The following ADNP2 variants were observed in gnomAD, a reference collection of about 807,000 sequenced individuals.
The protein encoded by ADNP2 is activity-dependent neuroprotector homeobox protein 2.
A neutral mutation model predicts 16.4 loss-of-function variants in ADNP2; 8 were observed. The observed-to-expected ratio is 0.49, with a 90% confidence interval of 0.29 to 0.88. ADNP2 has a LOEUF of 0.88. Among genes scored for constraint, ADNP2 ranks in the 40% least tolerant of loss-of-function variants. The probability of loss-of-function intolerance (pLI) is 0.09; values close to 1 mark genes in which losing one functional copy is unlikely to be tolerated. For missense variants in ADNP2, 1,397 were observed against 1,395.1 expected (o/e 1.00, Z -0.02); for synonymous variants, 637 against 545.8 (o/e 1.17, Z -2.33).
At chr18:80,131,819 G>A (rs2145208984) in intron 2 of ADNP2, among the ~76,000 whole-genome samples, 1 of 150,244 alleles carries the variant, frequency 6.7e-6, no homozygotes, top group Middle Eastern at 3.5e-3. Flanking sequence ...TGGACACAGG[G>A]CAGGGAACAT....
chr18:80,120,890 A>G (rs1187425246), intron 2 of ADNP2, among the ~76,000 whole-genome samples: 1 of 152,148 alleles, frequency 6.6e-6, no homozygotes, highest in Non-Finnish European at 1.5e-5. Flanking sequence ...GTTGGTGGAC[A>G]CTTGGATTGA....
chr18:80,114,087 T>C lies in ADNP2; in HGVS notation c.-13-3443T>C, dbSNP rs539688779. ...ATACATCGGTAGTCCAAGCTACTCA[T>C]GAGGTTGAGGCAGGAGGATTGCTTG... On this transcript the variant is annotated intron_variant, in intron 1 of 3. Transcript: ENST00000262198. 2.6e-5 allele frequency among the ~76,000 whole-genome samples: 4 copies of C among 151,024 alleles called. No individual in the cohort carries two copies. The East Asian group carries it at 7.8e-4, about 29-fold the overall frequency.
chr18:80,123,596 C>T (rs1220515433), intron 2 of ADNP2, among the ~76,000 whole-genome samples: 3 of 151,478 alleles, frequency 2.0e-5, no homozygotes, highest in African/African-American at 4.9e-5. Flanking sequence ...CTCGAACTCC[C>T]GACCTCAGGT....
Position 80,135,690 on chromosome 18 carries a change from C to G in ADNP2, c.277C>G (p.His93Asp), listed in dbSNP as rs368338021. 3 of 1,614,074 alleles carry G rather than the reference C, an allele frequency of 1.9e-6. No individual in the cohort carries two copies. Among genetic ancestry groups the G allele is most frequent in the Non-Finnish European group, 2.5e-6 (3 of 1,180,038 alleles). Reference protein sequence around the residue: ...KVLTSFKNHLHRYHEDEIDQE... With the variant: ...KVLTSFKNHLDRYHEDEIDQE... ...GCTTACTTCATTCAAGAATCATTTA[C>G]ATCGTTACCATGAAGATGAAATTGA... The change falls in exon 4 of 4, where the codon CAT (histidine) becomes GAT (aspartate). Residue 93 changes from histidine to aspartate, a missense_variant. Around this residue, in one of 3 missense-constraint regions of ADNP2, gnomAD observed 777 missense variants for 719.4 expected, o/e 1.08. Coordinates refer to ENST00000262198, the MANE Select transcript of ADNP2 (RefSeq NM_014913.4).
intron 1 of ADNP2, chr18:80,109,688 C>A (rs1469968649): frequency 2.7e-5 from 4 of 150,460 alleles, no homozygotes; most frequent in Admixed American, 2.0e-4. Flanking sequence ...CCCGTCGACC[C>A]CCGACGCGCC....
intron 3 of ADNP2, chr18:80,133,560 G>T (rs11662921): frequency 0.18 from 36,428 of 202,520 alleles, 3,642 homozygotes; most frequent in Middle Eastern, 0.22. Flanking sequence ...AAATAAAAAT[G>T]TAGACCTCTG....
At chr18:80,125,341 C>T (rs1285670685) in intron 2 of ADNP2, among the ~76,000 whole-genome samples, 1 of 151,984 alleles carries the variant, frequency 6.6e-6, no homozygotes. Context: ...TAGCAAGACT[C>T]TGTCTTTAAA....
In ADNP2 at chr18:80,138,074, T is replaced by C; in HGVS notation, c.2661T>C (p.Thr887=). The change falls in exon 4 of 4, where the codon ACT becomes ACC. Residue 887 remains threonine (T), a synonymous_variant. Coordinates refer to ENST00000262198, the MANE Select transcript of ADNP2 (RefSeq NM_014913.4). ...TTTGCTTTGGCCCCTTTGTGACAAC[T>C]GAGGCCTATGAGCTGCATTTGAAGG... ...CPFCFGPFVT[T]EAYELHLKER... The C allele has an allele frequency of 6.2e-7, 1 of 1,613,874 alleles. No homozygotes were observed. The highest frequency in any genetic ancestry group is 8.5e-7 in the Non-Finnish European group (1 of 1,180,030).
In ADNP2 at chr18:80,137,683, C is replaced by G; in HGVS notation, c.2270C>G (p.Ser757Cys). 1 of 1,614,194 alleles carries G rather than the reference C, an allele frequency of 6.2e-7. No homozygotes were observed. The highest frequency in any genetic ancestry group is 8.5e-7 in the Non-Finnish European group (1 of 1,180,032). Residue 757 changes from serine to cysteine, a missense_variant, in exon 4 of 4, where the codon TCT becomes TGT. Ser to Cys is a moderately radical substitution (Grantham distance 112, BLOSUM62 -1). Transcript: ENST00000262198. The surrounding 1 kb of genome is among the most constrained non-coding windows in gnomAD (Gnocchi z 4.2). ...TGTCTGTCTTGTAAGTGCTTGGTCT[C>G]TGAGGAAGAGCTTATACACCACTTG... is the stretch of plus-strand genomic sequence containing the variant. ...VRCLSCKCLVSEEELIHHLLM... is the reference protein window; with the variant it reads ...VRCLSCKCLVCEEELIHHLLM...
chr18:80,117,993 GA>G (rs1336502090), intron 2 of ADNP2, among the ~76,000 whole-genome samples: 8 of 152,176 alleles, frequency 5.3e-5, no homozygotes, highest in African/African-American at 1.9e-4. Flanking sequence ...TAAATGAAAT[GA>G]TAGGGTTTTT....
chr18:80,123,101 A>G (rs755807046), intron 2 of ADNP2, among the ~76,000 whole-genome samples: 2 of 151,982 alleles, frequency 1.3e-5, no homozygotes, highest in African/African-American at 2.4e-5. Flanking sequence ...GCTTCATTCT[A>G]CTAATGTGGT....
At chr18:80,127,610 T>G (rs887467150) in intron 2 of ADNP2, among the ~76,000 whole-genome samples, 4 of 152,188 alleles carry the variant, frequency 2.6e-5, no homozygotes, top group African/African-American at 9.7e-5. Flanking sequence ...AAGTTTTTGT[T>G]TTTTGTTTTT....
At chr18:80,114,876 G>T (rs781535824) in intron 1 of ADNP2, among the ~76,000 whole-genome samples, 52 of 151,964 alleles carry the variant, frequency 3.4e-4, no homozygotes, top group Non-Finnish European at 5.6e-4. Context: ...AGTTGATGTG[G>T]AACACCTCTA....
At chr18:80,119,570 C>T (rs1014650788) in intron 2 of ADNP2, among the ~76,000 whole-genome samples, 4 of 152,194 alleles carry the variant, frequency 2.6e-5, no homozygotes, top group Non-Finnish European at 5.9e-5. Context: ...AAGATTTACA[C>T]AGCACATGTG....
intron 3 of ADNP2, among the ~76,000 whole-genome samples, chr18:80,134,418 T>TGTGA (rs143942110): frequency 0.1 from 13,796 of 136,218 alleles, 817 homozygotes; most frequent in Non-Finnish European, 0.15. Flanking sequence ...TGTGTGTGTG[T>TGTGA]GAGAGAGAGT....
intron 1 of ADNP2, among the ~76,000 whole-genome samples, chr18:80,112,195 A>G (rs186181688): frequency 1.2e-3 from 177 of 152,328 alleles, no homozygotes; most frequent in African/African-American, 3.4e-3. Context: ...ACTATTTCAT[A>G]GTTAATTCAT....
intron 2 of ADNP2, 70 bp from the exon 3 acceptor site, chr18:80,133,033 C>A: frequency 8.9e-7 from 1 of 1,117,394 alleles, no homozygotes; most frequent in Non-Finnish European, 1.3e-6. Context: ...ATAATCTCAT[C>A]AGGTTCTAAT....
chr18:80,126,685 G>A (rs1289234077), intron 2 of ADNP2, among the ~76,000 whole-genome samples: 6 of 151,828 alleles, frequency 4.0e-5, no homozygotes, highest in Admixed American at 2.6e-4. Flanking sequence ...GGTTTTCTTT[G>A]TGTGTCTTTT....
chr18:80,128,002 T>C (rs1372974457), intron 2 of ADNP2, among the ~76,000 whole-genome samples: 3 of 152,270 alleles, frequency 2.0e-5, no homozygotes, highest in Non-Finnish European at 4.4e-5. Flanking sequence ...AAGGTCAATA[T>C]GGCAGGATGC....
Sources: gnomAD v4.1 joint callset for allele counts (sites outside exome capture counted in the v4.1 genomes callset) on GRCh38, gnomAD v4.1.1 for gene constraint, gnomAD v4.1.1 regional missense constraint, Gnocchi (gnomAD v3.1) non-coding constraint, MANE v1.5 for transcripts, NCBI Gene and HGNC (gene_info 2026-07-23, HGNC 2026-07-21) for gene names.